Variants in QTRT2 observed in about 807,000 individuals in gnomAD.
QTRT2 encodes the protein queuine tRNA-ribosyltransferase domain containing 1.
A neutral mutation model predicts 44.8 loss-of-function variants in QTRT2; 32 were observed. The ratio of observed to expected loss-of-function variants is 0.71; its 90% CI spans 0.54 to 0.96. The LOEUF is 0.96. Ranked by LOEUF, QTRT2 falls within the 40% of genes least tolerant of loss-of-function variation. The probability of loss-of-function intolerance (pLI) is 0.00; values close to 1 mark genes in which losing one functional copy is unlikely to be tolerated. For missense variants in QTRT2, 461 were observed against 503.1 expected, an observed-to-expected ratio of 0.92 and a Z score of 0.80; for synonymous variants, 182 against 187.4, an observed-to-expected ratio of 0.97 and a Z score of 0.24.
chr3:114,075,504 A>ATTTT (rs34436490), intron 6 of QTRT2, among the ~76,000 whole-genome samples: 8 of 118,744 alleles, frequency 6.7e-5, no homozygotes, highest in Non-Finnish European at 8.8e-5. Context: ...AGTTTTACTG[A>ATTTT]TTTTTTTTTT....
At chr3:114,083,274 G>A (rs1431566685) in intron 9 of QTRT2, among the ~76,000 whole-genome samples, 1 of 146,406 alleles carries the variant, frequency 6.8e-6, no homozygotes, top group Non-Finnish European at 1.5e-5. Context: ...TTTCTTTGTT[G>A]TTGTTGTTGT....
At chr3:114,073,329 G>A (rs575994482) in intron 6 of QTRT2, among the ~76,000 whole-genome samples, 1 of 152,262 alleles carries the variant, frequency 6.6e-6, no homozygotes, top group South Asian at 2.1e-4. Flanking sequence ...GTTGCAGTCA[G>A]CCTCATCATT....
At chr3:114,064,522 G>T (rs1046475579) in intron 2 of QTRT2, among the ~76,000 whole-genome samples, 1 of 151,850 alleles carries the variant, frequency 6.6e-6, no homozygotes, top group African/African-American at 2.4e-5. Flanking sequence ...TTTTTTCCCT[G>T]TATATCTATA....
intron 2 of QTRT2, among the ~76,000 whole-genome samples, chr3:114,057,799 C>T (rs2076822449): frequency 6.6e-6 from 1 of 152,166 alleles, no homozygotes; most frequent in African/African-American, 2.4e-5. Flanking sequence ...CACTCCCTCC[C>T]ATATGCAAGT....
intron 3 of QTRT2, among the ~76,000 whole-genome samples, chr3:114,065,879 T>G (rs1176057223): frequency 2.6e-5 from 4 of 152,236 alleles, no homozygotes; most frequent in Admixed American, 6.5e-5. Context: ...ATATACTGAC[T>G]TTATACTTAA....
At position 114,085,923 on chromosome 3, in the gene QTRT2, C is replaced by G; in HGVS notation, c.*19C>G. 1.9e-6 allele frequency: 3 copies of G among 1,568,062 alleles called. No individual in the cohort carries two copies. The highest frequency in any genetic ancestry group is 2.6e-6 in the Non-Finnish European group (3 of 1,138,440). ...ATCTTGAGATCTTGCAAATACAAGT[C>G]TCACTCTTCACACTGAGCCTGTACC... is the stretch of plus-strand genomic sequence containing the variant. On this transcript the variant is annotated 3_prime_UTR_variant, in exon 10 of 10. Coordinates refer to ENST00000281273, the MANE Select transcript of QTRT2 (RefSeq NM_024638.4).
At chr3:114,068,301 G>A in intron 5 of QTRT2, 1 of 401,856 alleles carries the variant, frequency 2.5e-6, no homozygotes, top group Non-Finnish European at 4.6e-6. Flanking sequence ...AAAATTTGAG[G>A]GTAGAGGAGG....
At chr3:114,063,615 A>C (rs966990283) in intron 2 of QTRT2, among the ~76,000 whole-genome samples, 1 of 152,136 alleles carries the variant, frequency 6.6e-6, no homozygotes, top group African/African-American at 2.4e-5. Context: ...TCATAGTTAT[A>C]GAAAATTGAC....
At chr3:114,085,495 C>T (rs948119988) in intron 9 of QTRT2, among the ~76,000 whole-genome samples, 178 bp from the exon 10 acceptor site, 1 of 152,214 alleles carries the variant, frequency 6.6e-6, no homozygotes, top group Non-Finnish European at 1.5e-5. Context: ...CATGAGCCAC[C>T]ACACCCGGCC....
chr3:114,065,295 G>A lies in QTRT2; in HGVS notation c.38G>A (p.Arg13His), dbSNP rs757679456. Residue 13 changes from arginine to histidine, a missense_variant, in exon 3 of 10, where the codon CGC (arginine) becomes CAC (histidine). Transcript: ENST00000281273. ...LSLTKVVNGC[R>H]LGKIKNLGKT... ...CTTACCAAGGTAGTTAATGGCTGTC[G>A]CCTAGGAAAAATAAAAAACCTGGGC... 6 of 1,613,922 alleles carry A rather than the reference G, an allele frequency of 3.7e-6. No homozygotes were observed. Among genetic ancestry groups the A allele is most frequent in the Non-Finnish European group, 5.1e-6 (6 of 1,180,000 alleles).
At chr3:114,072,554 T>G (rs1559955566) in intron 6 of QTRT2, among the ~76,000 whole-genome samples, 1 of 152,228 alleles carries the variant, frequency 6.6e-6, no homozygotes, top group Non-Finnish European at 1.5e-5. Flanking sequence ...TATGCATTTG[T>G]CTTCATTAAA....
chr3:114,075,227 GTTA>G (rs2077073568), intron 6 of QTRT2, among the ~76,000 whole-genome samples: 1 of 152,050 alleles, frequency 6.6e-6, no homozygotes, highest in Non-Finnish European at 1.5e-5. Flanking sequence ...TAACCTTTTT[GTTA>G]TTATATGGGC....
Position 114,085,915 on chromosome 3 carries a change from A to T in QTRT2, c.*11A>T. ...AGGCAAGCATCTTGAGATCTTGCAA[A>T]TACAAGTCTCACTCTTCACACTGAG... is the stretch of plus-strand genomic sequence containing the variant. On this transcript the variant is annotated 3_prime_UTR_variant, in exon 10 of 10. Coordinates refer to ENST00000281273, the MANE Select transcript of QTRT2 (RefSeq NM_024638.4). The T allele has an allele frequency of 6.3e-7, 1 of 1,593,272 alleles. No individual in the cohort carries two copies. Among genetic ancestry groups the T allele is most frequent in the Non-Finnish European group, 8.6e-7 (1 of 1,161,198 alleles).
At chr3:114,060,030 G>A (rs2076861083) in intron 2 of QTRT2, among the ~76,000 whole-genome samples, 1 of 152,192 alleles carries the variant, frequency 6.6e-6, no homozygotes, top group Admixed American at 6.5e-5. Flanking sequence ...GGTGGCCAAT[G>A]TCCTTTAGAG....
At chr3:114,066,451 C>A in intron 4 of QTRT2, 168 bp downstream of exon 4, 1 of 566,924 alleles carries the variant, frequency 1.8e-6, no homozygotes. Flanking sequence ...GAATAGGAAA[C>A]AGTTGCTGCT....
intron 4 of QTRT2, 77 bp from the exon 5 acceptor site, chr3:114,067,910 C>A: frequency 7.7e-7 from 1 of 1,300,748 alleles, no homozygotes. Flanking sequence ...GTACACATTG[C>A]GAAGCTGCTC....
intron 2 of QTRT2, among the ~76,000 whole-genome samples, chr3:114,063,470 A>C (rs1195817486): frequency 6.6e-6 from 1 of 152,176 alleles, no homozygotes; most frequent in Non-Finnish European, 1.5e-5. Flanking sequence ...GTGTAACAAT[A>C]GGGTATGTAA....
intron 9 of QTRT2, among the ~76,000 whole-genome samples, chr3:114,083,275 T>C (rs1450440946): frequency 7.5e-5 from 11 of 146,442 alleles, no homozygotes; most frequent in African/African-American, 2.9e-4. Context: ...TTCTTTGTTG[T>C]TGTTGTTGTT....
intron 6 of QTRT2, among the ~76,000 whole-genome samples, chr3:114,075,089 G>T (rs1020597508): frequency 6.6e-6 from 1 of 152,170 alleles, no homozygotes; most frequent in East Asian, 1.9e-4. Flanking sequence ...ATAAAAGCTG[G>T]ACATTTCAAT....
Sources: gnomAD v4.1 joint callset for allele counts (sites outside exome capture counted in the v4.1 genomes callset) on GRCh38, gnomAD v4.1.1 for gene constraint, MANE v1.5 for transcripts, NCBI Gene and HGNC (gene_info 2026-07-23, HGNC 2026-07-21) for gene names.